LRP4: variants seen among roughly 807,000 people sequenced by gnomAD.
The protein encoded by LRP4 is LDL receptor related protein 4.
Under a neutral mutation model 220.3 loss-of-function variants are expected in LRP4, and 95 were observed. The observed-to-expected ratio is 0.43, with a 90% confidence interval of 0.37 to 0.51. The LOEUF (loss-of-function observed/expected upper bound fraction) is 0.51, where lower values mean the gene tolerates loss of function less well. Ranked by LOEUF, LRP4 falls within the 20% of genes least tolerant of loss-of-function variation. The pLI is 0.00. For synonymous variants in LRP4, 903 were observed against 954.6 expected, an observed-to-expected ratio of 0.95 and a Z score of 1.00; for missense variants, 1,925 against 2,567.0, an observed-to-expected ratio of 0.75 and a Z score of 5.40.
intron 1 of LRP4, among the ~76,000 whole-genome samples, chr11:46,909,611 CAAAAAAAAAAAAAAA>C (rs71042636): frequency 1.3e-4 from 6 of 46,102 alleles, no homozygotes; most frequent in South Asian, 1.4e-3. Flanking sequence ...GACTCCGTCT[CAAAAAAAAAAAAAAA>C]AAAAAAAAAA....
chr11:46,889,155 A>C (rs1184656682), intron 16 of LRP4, among the ~76,000 whole-genome samples: 1 of 152,242 alleles, frequency 6.6e-6, no homozygotes, highest in Non-Finnish European at 1.5e-5. Context: ...CCTGCCTGGT[A>C]AAATGATACA....
intron 1 of LRP4, among the ~76,000 whole-genome samples, chr11:46,907,170 ACACTT>A (rs1271771041): frequency 6.6e-6 from 1 of 152,218 alleles, no homozygotes; most frequent in Non-Finnish European, 1.5e-5. Flanking sequence ...TTGAATTAGA[ACACTT>A]CACTATGCTC....
intron 1 of LRP4, among the ~76,000 whole-genome samples, chr11:46,907,123 T>G (rs1443504862): frequency 6.6e-6 from 1 of 152,170 alleles, no homozygotes; most frequent in Non-Finnish European, 1.5e-5. Context: ...AACAAATGAC[T>G]GTGGGTGGCA....
rs759041553 is a variant in LRP4, at chr11:46,895,199, G to T, written c.1276C>A (p.Leu426Ile). The change falls in exon 11 of 38, where the codon CTA becomes ATA. Residue 426 changes from leucine to isoleucine, a missense_variant. Leu to Ile is a conservative substitution (Grantham distance 5). Coordinates refer to ENST00000378623, the MANE Select transcript of LRP4 (RefSeq NM_002334.4). Reference sequence around the variant, plus strand: ...TTGCAGCTGCGCCGGTCGGGCCGTAGTTCATAGCCTGTTTCACACCAGCAT... The same window carrying T: ...TTGCAGCTGCGCCGGTCGGGCCGTATTTCATAGCCTGTTTCACACCAGCAT... ...FQCWCETGYE[L>I]RPDRRSCKAL... 9 of 1,613,958 alleles carry T rather than the reference G, an allele frequency of 5.6e-6. No individual in the cohort carries two copies. The African/African-American group carries it at 9.3e-5, about 17-fold the overall frequency.
chr11:46,875,771 G>C lies in LRP4; in HGVS notation c.3699+33C>G. On this transcript the variant is annotated intron_variant, in intron 26 of 37. Transcript: ENST00000378623. The surrounding 1 kb of genome is among the most constrained non-coding windows in gnomAD (Gnocchi z 4.5). ...AGGCAGGCCTTTCCCATCTTCCCAG[G>C]CTCCTGGGAAGCAGCAGGGACACGG... The C allele has an allele frequency of 6.2e-7, 1 of 1,613,918 alleles. No individual in the cohort carries two copies. Among genetic ancestry groups the C allele is most frequent in the Non-Finnish European group, 8.5e-7 (1 of 1,179,940 alleles).
chr11:46,904,006 G>C (rs1057259097), intron 1 of LRP4, among the ~76,000 whole-genome samples: 1 of 152,210 alleles, frequency 6.6e-6, no homozygotes, highest in Non-Finnish European at 1.5e-5. Flanking sequence ...CTGGGATGGC[G>C]TGTGAATGGC....
At chr11:46,909,610 T>TC (rs1941822133) in intron 1 of LRP4, among the ~76,000 whole-genome samples, 1 of 894 alleles carries the variant, frequency 1.1e-3, no homozygotes, top group South Asian at 0.062. Context: ...AGACTCCGTC[T>TC]CAAAAAAAAA....
intron 2 of LRP4, among the ~76,000 whole-genome samples, 196 bp from the exon 3 acceptor site, chr11:46,900,574 G>A (rs975904080): frequency 2.0e-5 from 3 of 152,000 alleles, no homozygotes; most frequent in African/African-American, 7.3e-5. Flanking sequence ...TGGTTCAGGC[G>A]ATTCTGACTC....
intron 3 of LRP4, 87 bp from the exon 4 acceptor site, chr11:46,900,063 T>A: frequency 8.8e-7 from 1 of 1,131,376 alleles, no homozygotes; most frequent in Non-Finnish European, 1.3e-6. Context: ...AGCAGTCAAG[T>A]AGCTCCAGTG....
rs550316920 is a variant in LRP4 at position 46,906,207 on chromosome 11, G to A, written c.53-3278C>T. Among the ~76,000 whole-genome samples, 317 of 152,298 alleles carry A rather than the reference G, an allele frequency of 2.1e-3. 3 individuals are homozygous for A. Among genetic ancestry groups the A allele is most frequent in the Admixed American group, 3.9e-3 (59 of 15,300 alleles). On this transcript the variant is annotated intron_variant, in intron 1 of 37. Coordinates refer to ENST00000378623, the MANE Select transcript of LRP4 (RefSeq NM_002334.4). ...ATGGTGGCTCATGCCTATAATCCTA[G>A]CACTTTGGGAGGCTGAGGCGGGCAG...
intron 16 of LRP4, among the ~76,000 whole-genome samples, chr11:46,888,383 G>T (rs556383813): frequency 1.1e-4 from 16 of 151,206 alleles, no homozygotes; most frequent in Non-Finnish European, 3.0e-5. Flanking sequence ...GAGAAACCCC[G>T]TCCCTACTAA....
chr11:46,886,113 G>A lies in LRP4; in HGVS notation c.2484C>T (p.Asn828=). ...PAGLAIDWVT[N]KLYWTDAGTD... is the part of the protein sequence containing the mutation. The stretch of plus-strand genomic sequence containing the variant: ...TACCTGCATCTGTCCAGTACAGTTT[G>A]TTGGTGACCCAATCAATGGCCAGGC... The change falls in exon 18 of 38, where the codon AAC becomes AAT. Residue 828 remains asparagine, a synonymous_variant. Coordinates refer to ENST00000378623, the MANE Select transcript of LRP4 (RefSeq NM_002334.4). The A allele has an allele frequency of 6.2e-7, 1 of 1,614,158 alleles. No homozygotes were observed. The highest frequency in any genetic ancestry group is 8.5e-7 in the Non-Finnish European group (1 of 1,180,034).
At chr11:46,895,357 C>CCGAGCTG (rs1941505438) in intron 10 of LRP4, 66 bp from the exon 11 acceptor site, 39 of 1,598,366 alleles carry the variant, frequency 2.4e-5, no homozygotes, top group Non-Finnish European at 3.3e-5. Flanking sequence ...TCCCAGGCTG[C>CCGAGCTG]CGAGCTGCTT....
In LRP4 at chr11:46,894,579, T is replaced by C. The variant is rs2134849192; in HGVS notation, c.1540+10A>G. The C allele has an allele frequency of 6.3e-7, 1 of 1,590,470 alleles. No homozygotes were observed. Among genetic ancestry groups the C allele is most frequent in the Non-Finnish European group, 8.6e-7 (1 of 1,167,310 alleles). ...GGCTCTGCCCCTCTCCATGGGGCCT[T>C]GTTCCCTACCTGGGCTCTCCAGCCC... On this transcript the variant is annotated intron_variant, in intron 12 of 37. Coordinates refer to ENST00000378623, the MANE Select transcript of LRP4 (RefSeq NM_002334.4).
At chr11:46,874,729 A>G (rs1940963239) in intron 28 of LRP4, 71 bp downstream of exon 28, 2 of 1,381,658 alleles carry the variant, frequency 1.4e-6, no homozygotes, top group African/African-American at 1.4e-5. Flanking sequence ...TTTAGTGGTC[A>G]GAACACAACC....
At chr11:46,911,029 A>T (rs1941851113) in intron 1 of LRP4, among the ~76,000 whole-genome samples, 1 of 152,176 alleles carries the variant, frequency 6.6e-6, no homozygotes, top group African/African-American at 2.4e-5. Context: ...GACAGGAGAG[A>T]GAATCCAGAA....
Position 46,894,760 on chromosome 11 carries a change from G to C in LRP4, c.1369C>G (p.Arg457Gly), listed in dbSNP as rs148856658. Reference sequence around the variant, plus strand: ...TTAAGCAGCAGTGTGTACTCAGAGCGGTGTGGCAGCACCTGCCGGATGTCG... The same window carrying C: ...TTAAGCAGCAGTGTGTACTCAGAGCCGTGTGGCAGCACCTGCCGGATGTCG... Reference protein sequence around the residue: ...RIDIRQVLPHRSEYTLLLNNL... With the variant: ...RIDIRQVLPHGSEYTLLLNNL... The change falls in exon 12 of 38, where the codon CGC becomes GGC. Residue 457 changes from arginine (R) to glycine (G), a missense_variant. By Grantham distance (125) the Arg-to-Gly change is moderately radical. Coordinates refer to ENST00000378623, the MANE Select transcript of LRP4 (RefSeq NM_002334.4). 1 of 1,614,222 alleles carries C rather than the reference G, an allele frequency of 6.2e-7. No homozygotes were observed. Among genetic ancestry groups the C allele is most frequent in the Non-Finnish European group, 8.5e-7 (1 of 1,180,034 alleles).
intron 16 of LRP4, among the ~76,000 whole-genome samples, chr11:46,889,097 T>G (rs761896745): frequency 2.0e-5 from 3 of 152,176 alleles, no homozygotes; most frequent in Non-Finnish European, 4.4e-5. Flanking sequence ...CATTCCCCTG[T>G]TTTCTAGAAG....
intron 20 of LRP4, 21 bp downstream of exon 20, chr11:46,881,681 T>C: frequency 6.2e-7 from 1 of 1,605,786 alleles, no homozygotes; most frequent in South Asian, 1.1e-5. Context: ...ACCCTTACCT[T>C]CCTCTTACTG....
Sources: allele counts gnomAD v4.1 joint callset (sites outside exome capture counted in the v4.1 genomes callset), GRCh38; gene constraint gnomAD v4.1.1; non-coding constraint Gnocchi (gnomAD v3.1); transcripts MANE v1.5; gene names NCBI Gene and HGNC (gene_info 2026-07-23, HGNC 2026-07-21).